The following ZFAND2A variants were observed in gnomAD, a reference collection of about 807,000 sequenced individuals.
ZFAND2A encodes the protein AN1-type zinc finger protein 2A.
Under a neutral mutation model 11.6 loss-of-function variants are expected in ZFAND2A, and 20 were observed. The observed-to-expected ratio is 1.72, with a 90% CI of 1.21 to 2.50. ZFAND2A has a LOEUF of 2.50. ZFAND2A is among the 30% of genes most tolerant of loss of function. The pLI is 0.00. For synonymous variants in ZFAND2A, 93 were observed against 60.6 expected (o/e 1.54, Z -2.48); for missense variants, 234 against 182.9 (o/e 1.28, Z -1.61).
downstream of ZFAND2A, among the ~76,000 whole-genome samples, chr7:1,149,935 C>T (rs1410765400): frequency 2.0e-5 from 3 of 151,610 alleles, no homozygotes; most frequent in Non-Finnish European, 4.4e-5. Context: ...TCACTGCAAC[C>T]TCTGCCTCCC....
At chr7:1,152,153 C>T (rs577259598), downstream of ZFAND2A, 13 of 1,422,904 alleles carry the variant, frequency 9.1e-6, no homozygotes, top group East Asian at 7.9e-5. Context: ...TGGAGCATCG[C>T]GTCACACTGT....
Position 1,156,170 on chromosome 7 carries a change from C to G in ZFAND2A, c.151-586G>C, listed in dbSNP as rs191203646. 2.5e-5 allele frequency among the ~76,000 whole-genome samples: 3 copies of G among 118,534 alleles called. 1 individual carries two copies. Among genetic ancestry groups the G allele is most frequent in the African/African-American group, 1.3e-4 (3 of 23,070 alleles). The allele number at this position is 118,534 out of a possible 152,430, so 77.8% of individuals were successfully genotyped here. ...TCCGAAGGGGTGGACTGCCCAGCAG[C>G]TGAAGGCCCAGCAAGGCTAAAAACC... On this transcript the variant is annotated intron_variant, in intron 3 of 4. Coordinates refer to ENST00000316495, the MANE Select transcript of ZFAND2A (RefSeq NM_182491.4).
At chr7:1,151,257 C>T (rs77983027), downstream of ZFAND2A, among the ~76,000 whole-genome samples, 421 of 151,106 alleles carry the variant, frequency 2.8e-3, 6 homozygotes, top group East Asian at 0.048. Context: ...CCTTCTCTCA[C>T]ACAGTGTCCC....
In ZFAND2A at chr7:1,153,173, G is replaced by A; in HGVS notation, c.334C>T (p.Gln112Ter). Residue 112 changes from glutamine to a stop codon, truncating the protein, a stop_gained, in exon 5 of 5, where the codon CAG becomes TAG. Transcript: ENST00000316495. LOFTEE classifies it low-confidence loss of function (END_TRUNC). ...KEGCKKKEMLQMVCAQCHGNF... is the reference protein window; with the variant it reads ...KEGCKKKEML Reference sequence around the variant, plus strand: ...CCGTGACATTGGGCACATACCATCTGCAGCATCTCTTTCTTCTTGCAGCCC... The same window carrying A: ...CCGTGACATTGGGCACATACCATCTACAGCATCTCTTTCTTCTTGCAGCCC... The A allele has an allele frequency of 6.2e-7, 1 of 1,614,166 alleles. No individual in the cohort carries two copies. Among genetic ancestry groups the A allele is most frequent in the Non-Finnish European group, 8.5e-7 (1 of 1,180,002 alleles).
downstream of ZFAND2A, among the ~76,000 whole-genome samples, chr7:1,151,762 T>TAAAAGAAAGAAAAAAAAAA (rs1554344525): frequency 1.1e-5 from 1 of 87,158 alleles, no homozygotes; most frequent in Non-Finnish European, 2.2e-5. Flanking sequence ...TCATCCCTTT[T>TAAAAGAAAGAAAAAAAAAA]AAAAAAAAAA....
At position 1,152,991 on chromosome 7, in the gene ZFAND2A, G is replaced by A. The variant is rs751897360; in HGVS notation, c.*78C>T. 6.3e-7 allele frequency: 1 copy of A among 1,576,550 alleles called. No homozygotes were observed. Among genetic ancestry groups the A allele is most frequent in the South Asian group, 1.1e-5 (1 of 88,082 alleles). ...CCAGTGTGGGATGGTGCTCAATGGG[G>A]CTCCACTTCCCACTAGAGTGTAAGC... On this transcript the variant is annotated 3_prime_UTR_variant, in exon 5 of 5. Coordinates refer to ENST00000316495, the MANE Select transcript of ZFAND2A (RefSeq NM_182491.4).
At chr7:1,152,655 G>A (rs6970867), downstream of ZFAND2A, among the ~76,000 whole-genome samples, 10,802 of 152,132 alleles carry the variant, frequency 0.071, 734 homozygotes, top group African/African-American at 0.18. Flanking sequence ...TTACAAAAAG[G>A]GGAAGTCGGG....
At position 1,158,204 on chromosome 7, in the gene ZFAND2A, A is replaced by G. The variant is rs547686862; in HGVS notation, c.9T>C (p.Phe3=). ...CTGAACAATGCTTCCCCAAATCAGG[A>G]AACTCCATTATGAGAACAGTGCTCA... ME[F]PDLGKHCSEK... Residue 3 remains phenylalanine, a synonymous_variant, in exon 2 of 5, where the codon TTT becomes TTC. Transcript: ENST00000316495. 2 of 1,613,800 alleles carry G rather than the reference A, an allele frequency of 1.2e-6. No homozygotes were observed. Among genetic ancestry groups the G allele is most frequent in the African/African-American group, 1.3e-5 (1 of 75,068 alleles).
intron 4 of ZFAND2A, among the ~76,000 whole-genome samples, chr7:1,154,757 T>C (rs1285497460): frequency 6.6e-6 from 1 of 152,234 alleles, no homozygotes; most frequent in Admixed American, 6.5e-5. Flanking sequence ...TATACTAAGA[T>C]AGTTGGTAAC....
chr7:1,149,344 G>A (rs1280023136), downstream of ZFAND2A, among the ~76,000 whole-genome samples: 1 of 152,198 alleles, frequency 6.6e-6, no homozygotes, highest in African/African-American at 2.4e-5. Context: ...TGCAGACGCA[G>A]GGAAGTGGCT....
At chr7:1,156,196 T>C (rs1412720868) in intron 3 of ZFAND2A, among the ~76,000 whole-genome samples, 1 of 93,938 alleles carries the variant, frequency 1.1e-5, no homozygotes, top group Non-Finnish European at 2.0e-5. Context: ...GCTAAAAACC[T>C]GAGCTGGGGG....
In ZFAND2A at chr7:1,155,316, G is replaced by A. The variant is rs560115599; in HGVS notation, c.282+137C>T. The stretch of plus-strand genomic sequence containing the variant: ...CAGGCCCCTCGCAGTTTAGGACAGG[G>A]ATAACGCAGCGTTAGGACTCTTCTT... On this transcript the variant is annotated intron_variant, in intron 4 of 4. Transcript: ENST00000316495. The A allele has an allele frequency of 4.2e-3, 5,171 of 1,237,338 alleles. 18 individuals are homozygous for A. Among genetic ancestry groups the A allele is most frequent in the Non-Finnish European group, 5.2e-3 (4,788 of 924,374 alleles). 76.6% of individuals were successfully genotyped at this position (1,237,338 alleles called of 1,614,324 possible). A position where few individuals can be genotyped will look rare whatever the true frequency, so the allele number is the denominator to read the frequency against.
chr7:1,149,857 T>C (rs1328656631), downstream of ZFAND2A, among the ~76,000 whole-genome samples: 1 of 150,862 alleles, frequency 6.6e-6, no homozygotes, highest in East Asian at 1.9e-4. Context: ...TCTTAAGTTT[T>C]TTTTTTTTTT....
rs1335281224 is a variant in ZFAND2A, at chr7:1,155,583, T to A, written c.152A>T (p.Asp51Val). The change falls in exon 4 of 5, where the codon GAT becomes GTT. Residue 51 changes from aspartate to valine, a missense_variant and splice_region_variant. Transcript: ENST00000316495. ...GAGTGGGCATACTGGGACGTGAACA[T>A]CCTAAAAATAACAAAGGTAAGATGG... Reference protein sequence around the residue: ...AHKCPFAFQKDVHVPVCPLCN... With the variant: ...AHKCPFAFQKVVHVPVCPLCN... 12 of 1,609,598 alleles carry A rather than the reference T, an allele frequency of 7.5e-6. No homozygotes were observed. Among genetic ancestry groups the A allele is most frequent in the African/African-American group, 2.7e-5 (2 of 74,594 alleles).
At chr7:1,159,116 C>T (rs538823195) in intron 1 of ZFAND2A, among the ~76,000 whole-genome samples, 3 of 152,310 alleles carry the variant, frequency 2.0e-5, no homozygotes, top group African/African-American at 7.2e-5. Context: ...ACGCCCGCTA[C>T]TTAAGGTGCC....
intron 1 of ZFAND2A, among the ~76,000 whole-genome samples, chr7:1,158,775 C>CTGT (rs1311213475): frequency 6.6e-6 from 1 of 152,202 alleles, no homozygotes; most frequent in East Asian, 1.9e-4. Context: ...GAAGCGCAAG[C>CTGT]TGTTAAGTCA....
intron 3 of ZFAND2A, 40 bp downstream of exon 3, chr7:1,157,616 A>T (rs1793560018): frequency 6.5e-7 from 1 of 1,548,492 alleles, no homozygotes; most frequent in Admixed American, 2.0e-5. Flanking sequence ...GCAGCTTCAG[A>T]CGGTGAAGAT....
intron 4 of ZFAND2A, among the ~76,000 whole-genome samples, chr7:1,155,197 C>T (rs34421747): frequency 4.5e-4 from 69 of 152,216 alleles, no homozygotes; most frequent in Non-Finnish European, 9.1e-4. Context: ...TGTGAATTCT[C>T]CATCTCAGGA....
intron 4 of ZFAND2A, among the ~76,000 whole-genome samples, chr7:1,154,460 G>A (rs922927797): frequency 1.3e-5 from 2 of 152,174 alleles, no homozygotes; most frequent in African/African-American, 4.8e-5. Context: ...GGGGGCCTTG[G>A]GGCAGTGCTG....
Sources: gnomAD v4.1 joint callset for allele counts (sites outside exome capture counted in the v4.1 genomes callset) on GRCh38, gnomAD v4.1.1 for gene constraint, MANE v1.5 for transcripts, NCBI Gene and HGNC (gene_info 2026-07-23, HGNC 2026-07-21) for gene names.